Variants in LAMA5 observed in about 807,000 individuals in gnomAD.
The protein encoded by LAMA5 is laminin subunit alpha-5.
LAMA5 carries 260 observed loss-of-function variants against 433.4 expected under a neutral mutation model. That is an observed-to-expected ratio of 0.60 (90% CI 0.54 to 0.66). The LOEUF is 0.66. LAMA5 is among the 30% of genes least tolerant of loss of function. LAMA5 has a pLI of 0.00. For synonymous variants in LAMA5, 2,620 were observed against 2,226.6 expected, an observed-to-expected ratio of 1.18 and a Z score of -4.97; for missense variants, 5,378 against 5,258.5, an observed-to-expected ratio of 1.02 and a Z score of -0.70.
intron 32 of LAMA5, 44 bp downstream of exon 32, chr20:62,329,733 A>G (rs567176609): frequency 2.9e-5 from 47 of 1,607,832 alleles, no homozygotes; most frequent in Non-Finnish European, 3.7e-5. Context: ...AATGACAAGT[A>G]TAAGGACAGC....
At chr20:62,335,853 C>T (rs1328362585) in intron 18 of LAMA5, among the ~76,000 whole-genome samples, 2 of 147,644 alleles carry the variant, frequency 1.4e-5, no homozygotes, top group African/African-American at 2.5e-5. Flanking sequence ...CCAGTACCCC[C>T]CCAGGAACCC....
At position 62,325,455 on chromosome 20, in the gene LAMA5, G is replaced by A. The variant is rs1489236289; in HGVS notation, c.5390C>T (p.Ala1797Val). 1.2e-6 allele frequency: 2 copies of A among 1,612,356 alleles called. No individual in the cohort carries two copies. The highest frequency in any genetic ancestry group is 1.7e-5 in the Admixed American group (1 of 59,988). ...LASLEQLQIR[A>V]LFSQISSAVF... ...AGCCGAGGAGATCTGTGAGAAGAGG[G>A]CACGGATCTGCAGCTGCTCCAGGCT... is the stretch of plus-strand genomic sequence containing the variant. Residue 1797 changes from alanine to valine, a missense_variant, in exon 41 of 80, where the codon GCC becomes GTC. Physicochemically the swap from Ala to Val is moderately conservative, Grantham distance 64. Coordinates refer to ENST00000252999, the MANE Select transcript of LAMA5 (RefSeq NM_005560.6).
At chr20:62,318,318 G>GGGGGGGGGAAGAGGAGGA in intron 53 of LAMA5, 136 bp downstream of exon 53, 2 of 283,382 alleles carry the variant, frequency 7.1e-6, no homozygotes, top group East Asian at 4.5e-5. Context: ...AAGAGGAGGA[G>GGGGGGGGGAAGAGGAGGA]GGGGGGAGGA....
In LAMA5 at chr20:62,315,964, C is replaced by G. The variant is rs367809230; in HGVS notation, c.7851G>C (p.Met2617Ile). ...LEAHIQAAQA[M>I]LAMDTDETSK... Reference sequence around the variant, plus strand: ...TCCGCATACCTGTGTCCATGGCAAGCATGGCCTGCGCCGCCTGGATGTGCG... The same window carrying G: ...TCCGCATACCTGTGTCCATGGCAAGGATGGCCTGCGCCGCCTGGATGTGCG... Residue 2617 changes from methionine (M) to isoleucine (I), a missense_variant, in exon 58 of 80, where the codon ATG becomes ATC. Met to Ile is a conservative substitution (Grantham distance 10). Coordinates refer to ENST00000252999, the MANE Select transcript of LAMA5 (RefSeq NM_005560.6). The G allele has an allele frequency of 6.2e-7, 1 of 1,603,650 alleles. No homozygotes were observed. The highest frequency in any genetic ancestry group is 1.1e-5 in the South Asian group (1 of 89,902).
chr20:62,323,049 T>TG (rs1180450635), intron 45 of LAMA5, among the ~76,000 whole-genome samples: 1 of 78,970 alleles, frequency 1.3e-5, no homozygotes, highest in Admixed American at 1.8e-4. Flanking sequence ...GGACTGATTG[T>TG]GGGGGGAGAG....
At chr20:62,333,279 ACCCAGGTCCC>A in intron 25 of LAMA5, 36 bp from the exon 26 acceptor site, 1 of 1,579,562 alleles carries the variant, frequency 6.3e-7, no homozygotes, top group Non-Finnish European at 8.6e-7. Context: ...CCCCAGGTCC[ACCCAGGTCCC>A]CAGAGACAGC....
intron 2 of LAMA5, among the ~76,000 whole-genome samples, chr20:62,361,561 C>CCGATGTGTCACACACTGGGACTGGGGCAG (rs1986132521): frequency 6.6e-6 from 1 of 152,236 alleles, no homozygotes; most frequent in East Asian, 1.9e-4. Flanking sequence ...GGGGTGAAGA[C>CCGATGTGTCACACACTGGGACTGGGGCAG]CGATGTGTCA....
In LAMA5 at chr20:62,333,215, C is replaced by A. The variant is rs1218680485; in HGVS notation, c.3157G>T (p.Asp1053Tyr). The change falls in exon 26 of 80, where the codon GAT becomes TAT. Residue 1053 changes from aspartate to tyrosine, a missense_variant. By Grantham distance (160) the Asp-to-Tyr change is radical. Coordinates refer to ENST00000252999, the MANE Select transcript of LAMA5 (RefSeq NM_005560.6). ...NCLLYTHLPL[D>Y]GFPSAAGLEA... ...AGCCCGGCGGCCGAGGGGAAGCCAT[C>A]CAGGGGGAGGTGTGTGTAGAGGAGG... 2.0e-6 allele frequency: 3 copies of A among 1,526,032 alleles called. No homozygotes were observed. The highest frequency in any genetic ancestry group is 1.3e-5 in the South Asian group (1 of 77,040). 94.5% of individuals were successfully genotyped at this position (1,526,032 alleles called of 1,614,324 possible).
chr20:62,341,520 G>A (rs1057020436), intron 11 of LAMA5, among the ~76,000 whole-genome samples: 1 of 152,104 alleles, frequency 6.6e-6, no homozygotes. Context: ...TCCATCAATC[G>A]TCACAACCAA....
intron 45 of LAMA5, 136 bp downstream of exon 45, chr20:62,323,320 C>T (rs1381449989): frequency 2.7e-5 from 20 of 753,316 alleles, no homozygotes; most frequent in Non-Finnish European, 4.0e-5. Flanking sequence ...ACCATGAACC[C>T]AGAAGGCTGG....
intron 11 of LAMA5, among the ~76,000 whole-genome samples, chr20:62,344,933 T>C (rs537935484): frequency 3.3e-5 from 5 of 152,216 alleles, no homozygotes; most frequent in Non-Finnish European, 7.3e-5. Flanking sequence ...GCAGAGCGCA[T>C]GACGAAGCTT....
Position 62,319,009 on chromosome 20 carries a change from G to A in LAMA5, c.6876C>T (p.Leu2292=), listed in dbSNP as rs1389754822. Residue 2292 remains leucine, a synonymous_variant, in exon 52 of 80, where the codon CTC becomes CTT. Coordinates refer to ENST00000252999, the MANE Select transcript of LAMA5 (RefSeq NM_005560.6). The part of the protein sequence containing the change: ...IRAVDRTLSE[L]MSQTGHLGLA... ...GCCCCAGGTGGCCCGTCTGGGACAT[G>A]AGCTCTGTGGGGCAGGGGTTCGTCA... The A allele has an allele frequency of 6.3e-7, 1 of 1,575,918 alleles. No homozygotes were observed. Among genetic ancestry groups the A allele is most frequent in the Non-Finnish European group, 8.6e-7 (1 of 1,163,166 alleles).
chr20:62,356,868 G>T (rs1985316185), intron 2 of LAMA5, among the ~76,000 whole-genome samples: 1 of 152,242 alleles, frequency 6.6e-6, no homozygotes, highest in South Asian at 2.1e-4. Flanking sequence ...CTCCTGGAGG[G>T]CAGCAGCCAC....
intron 2 of LAMA5, among the ~76,000 whole-genome samples, chr20:62,356,649 AG>A (rs1985282951): frequency 6.6e-6 from 1 of 151,674 alleles, no homozygotes; most frequent in South Asian, 2.1e-4. Flanking sequence ...ACTGCCTCAC[AG>A]GGGGTGGGCA....
chr20:62,324,215 G>A lies in LAMA5; in HGVS notation c.5644-11C>T. 1 of 1,578,322 alleles carries A rather than the reference G, an allele frequency of 6.3e-7. No individual in the cohort carries two copies. Among genetic ancestry groups the A allele is most frequent in the Non-Finnish European group, 8.5e-7 (1 of 1,171,602 alleles). On this transcript the variant is annotated splice_polypyrimidine_tract_variant and intron_variant, in intron 42 of 79. Transcript: ENST00000252999. The surrounding 1 kb of genome is among the most constrained non-coding windows in gnomAD (Gnocchi z 4.4). Reference sequence around the variant, plus strand: ...GTTGTGCTGGCAGTCCTGGGGCAGAGTGGACAGTCAGAGCTATGGTGGACA... The same window carrying A: ...GTTGTGCTGGCAGTCCTGGGGCAGAATGGACAGTCAGAGCTATGGTGGACA...
At position 62,352,254 on chromosome 20, in the gene LAMA5, C is replaced by T. The variant is rs548619094; in HGVS notation, c.675G>A (p.Leu225=). 7 of 1,599,646 alleles carry T rather than the reference C, an allele frequency of 4.4e-6. No homozygotes were observed. In the African/African-American group the frequency reaches 6.7e-5, roughly 15 times the overall value. ...CTCCCCGGCCCACCTCTCCGTTCTC[C>T]AGGGGCACGATGCGTGAGTACTCGG... ...CTTEYSRIVP[L]ENGEIVVSLV... Residue 225 remains leucine, a synonymous_variant, in exon 4 of 80, where the codon CTG becomes CTA. Transcript: ENST00000252999.
At chr20:62,348,970 A>C (rs1178219776) in intron 6 of LAMA5, among the ~76,000 whole-genome samples, 1 of 152,160 alleles carries the variant, frequency 6.6e-6, no homozygotes, top group East Asian at 1.9e-4. Flanking sequence ...GATGGTCTTG[A>C]ATTAATAATG....
At chr20:62,330,011 G>A (rs2146180655) in intron 31 of LAMA5, 95 bp from the exon 32 acceptor site, 1 of 1,482,220 alleles carries the variant, frequency 6.7e-7, no homozygotes, top group Non-Finnish European at 9.0e-7. Context: ...CAGCCAAGGA[G>A]TGCCCGCTGG....
chr20:62,351,747 G>C lies in LAMA5; in HGVS notation c.913C>G (p.His305Asp). 6.2e-7 allele frequency: 1 copy of C among 1,612,004 alleles called. No individual in the cohort carries two copies. The highest frequency in any genetic ancestry group is 1.1e-5 in the South Asian group (1 of 90,816). ...SIGGRCVCHG[H>D]ADACDAKDPT... Reference sequence around the variant, plus strand: ...TCTTTGGCATCGCAGGCATCCGCGTGGCCGTGGCAGACACAGCGGCCTCCG... The same window carrying C: ...TCTTTGGCATCGCAGGCATCCGCGTCGCCGTGGCAGACACAGCGGCCTCCG... The change falls in exon 6 of 80, where the codon CAC becomes GAC. Residue 305 changes from histidine (H) to aspartate (D), a missense_variant. His to Asp is a moderately conservative substitution (Grantham distance 81). Transcript: ENST00000252999.
Sources: gnomAD v4.1 joint callset for allele counts (sites outside exome capture counted in the v4.1 genomes callset) on GRCh38, gnomAD v4.1.1 for gene constraint, Gnocchi (gnomAD v3.1) non-coding constraint, MANE v1.5 for transcripts, NCBI Gene and HGNC (gene_info 2026-07-23, HGNC 2026-07-21) for gene names.